Variants in LIMA1 observed in about 807,000 individuals in gnomAD.
The protein encoded by LIMA1 is LIM domain and actin-binding protein 1.
A neutral mutation model predicts 62.6 loss-of-function variants in LIMA1; 52 were observed. That is an observed-to-expected ratio of 0.83 (90% CI 0.67 to 1.05). The LOEUF is 1.05. LIMA1 is among the 50% of genes least tolerant of loss of function. LIMA1 has a pLI of 0.00. For synonymous variants in LIMA1, 302 were observed against 317.8 expected (o/e 0.95, Z 0.53); for missense variants, 780 against 902.2 (o/e 0.86, Z 1.74).
intron 8 of LIMA1, among the ~76,000 whole-genome samples, chr12:50,193,996 T>C (rs1369145748): frequency 8.3e-6 from 1 of 119,796 alleles, no homozygotes; most frequent in Non-Finnish European, 1.7e-5. Context: ...TATATATATA[T>C]ATTTTTTTTG....
At chr12:50,222,514 A>T in intron 3 of LIMA1, 29 bp from the exon 4 acceptor site, 1 of 1,613,756 alleles carries the variant, frequency 6.2e-7, no homozygotes, top group Non-Finnish European at 8.5e-7. Flanking sequence ...GATGCCAGTT[A>T]TAACTTGCCT....
At chr12:50,238,554 C>T (rs1259568312) in intron 2 of LIMA1, among the ~76,000 whole-genome samples, 6 of 151,392 alleles carry the variant, frequency 4.0e-5, no homozygotes, top group South Asian at 2.1e-4. Context: ...AAAACTTTTG[C>T]GCATCAAAGA....
chr12:50,204,610 T>C lies in LIMA1; in HGVS notation c.806A>G (p.Asp269Gly). 2 of 1,614,244 alleles carry C rather than the reference T, an allele frequency of 1.2e-6. No individual in the cohort carries two copies. The highest frequency in any genetic ancestry group is 1.7e-6 in the Non-Finnish European group (2 of 1,180,036). The change falls in exon 6 of 11, where the codon GAT becomes GGT. Residue 269 changes from aspartate to glycine, a missense_variant. By Grantham distance (94) the Asp-to-Gly change is moderately conservative. Transcript: ENST00000341247. ...AGCTGCCTGGTACTTGGCCATTCGA[T>C]CCTTTATAGAGGTTTCTGAGAGGCG... The part of the protein sequence containing the change: ...LPRLSETSIK[D>G]RMAKYQAAVS...
At position 50,222,249 on chromosome 12, in the gene LIMA1, A is replaced by G. The variant is rs1384644094; in HGVS notation, c.402T>C (p.Pro134=). ...GATATCGACCCTGAACGAGGGCTTC[A>G]GGAGGTGACCTGAGTCTAGATCTGG... ...IHPRSRLRSP[P]EALVQGRYPH... Residue 134 remains proline (P), a synonymous_variant, in exon 4 of 11, where the codon CCT becomes CCC. Coordinates refer to ENST00000341247, the MANE Select transcript of LIMA1 (RefSeq NM_016357.5). The G allele has an allele frequency of 1.2e-6, 2 of 1,614,140 alleles. No individual in the cohort carries two copies. The highest frequency in any genetic ancestry group is 2.2e-5 in the East Asian group (1 of 44,888).
intron 2 of LIMA1, among the ~76,000 whole-genome samples, chr12:50,239,552 A>G (rs992147622): frequency 8.5e-5 from 13 of 152,172 alleles, no homozygotes; most frequent in Non-Finnish European, 1.5e-5. Context: ...AGGTGGGAGG[A>G]TCGCTTGAAC....
At chr12:50,263,747 AAC>A (rs1942099127) in intron 1 of LIMA1, among the ~76,000 whole-genome samples, 1 of 149,592 alleles carries the variant, frequency 6.7e-6, no homozygotes, top group African/African-American at 2.5e-5. Context: ...CAAAAGATTA[AAC>A]ACAGAGTTAC....
intron 1 of LIMA1, among the ~76,000 whole-genome samples, chr12:50,261,958 C>T (rs1052244648): frequency 4.3e-4 from 65 of 152,108 alleles, no homozygotes; most frequent in Non-Finnish European, 1.0e-4. Context: ...TTTTTGGATT[C>T]AGCTATTTTT....
chr12:50,187,972 TC>T (rs1940668378), intron 9 of LIMA1: 1 of 152,226 alleles, frequency 6.6e-6, no homozygotes, highest in Admixed American at 6.5e-5. Flanking sequence ...CTGATACTTC[TC>T]ACAGGGTCCA....
intron 3 of LIMA1, among the ~76,000 whole-genome samples, chr12:50,226,710 G>C (rs910589056): frequency 2.0e-5 from 3 of 151,834 alleles, no homozygotes; most frequent in Non-Finnish European, 4.4e-5. Context: ...GTGGTGGCGT[G>C]CGCCTGTAAT....
At chr12:50,189,553 G>C (rs568537979) in intron 9 of LIMA1, 1 of 152,184 alleles carries the variant, frequency 6.6e-6, no homozygotes, top group African/African-American at 2.4e-5. Flanking sequence ...TAATCCAAAC[G>C]AGTGAAGTAG....
At chr12:50,245,427 AAGAG>A (rs1179144501) in intron 2 of LIMA1, among the ~76,000 whole-genome samples, 1 of 151,178 alleles carries the variant, frequency 6.6e-6, no homozygotes, top group Non-Finnish European at 1.5e-5. Flanking sequence ...AAAAAAAAAA[AAGAG>A]AGAGAGAGAA....
rs373467242 is a variant in LIMA1, at chr12:50,239,996, AATAACATAACATAAC to A, written c.120-8301_120-8287del. Among the ~76,000 whole-genome samples, 138 of 128,688 alleles carry A rather than the reference AATAACATAACATAAC, an allele frequency of 1.1e-3. 1 individual carries two copies. Among genetic ancestry groups the A allele is most frequent in the Admixed American group, 2.9e-3 (33 of 11,574 alleles). The allele number at this position is 128,688 out of a possible 152,430, so 84.4% of individuals were successfully genotyped here. A position where few individuals can be genotyped will look rare whatever the true frequency, so the allele number is the denominator to read the frequency against. On this transcript the variant is annotated intron_variant, in intron 2 of 10. Transcript: ENST00000341247. ...GCAACAGAGTGAGACTCTATCTCAA[AATAACATAACATAAC>A]ATAACATAACATAACATAACATAAC...
intron 1 of LIMA1, among the ~76,000 whole-genome samples, chr12:50,269,540 A>C (rs1349690278): frequency 6.6e-6 from 1 of 152,326 alleles, no homozygotes; most frequent in Non-Finnish European, 1.5e-5. Flanking sequence ...GATGGTTACT[A>C]CCAGGAACAC....
At chr12:50,270,896 T>A (rs1592569938) in intron 1 of LIMA1, among the ~76,000 whole-genome samples, 1 of 151,718 alleles carries the variant, frequency 6.6e-6, no homozygotes, top group Non-Finnish European at 1.5e-5. Flanking sequence ...ATCAAGACCA[T>A]CCTGGCTAAC....
chr12:50,278,169 C>T (rs532842326), intron 1 of LIMA1, among the ~76,000 whole-genome samples: 1 of 152,156 alleles, frequency 6.6e-6, no homozygotes, highest in African/African-American at 2.4e-5. Context: ...GCCTGTAATC[C>T]CAGCACTTTG....
intron 1 of LIMA1, among the ~76,000 whole-genome samples, chr12:50,273,554 A>G (rs1289890004): frequency 6.6e-6 from 1 of 152,216 alleles, no homozygotes; most frequent in Non-Finnish European, 1.5e-5. Flanking sequence ...TCAAGCCAGC[A>G]TTAAGAAAAA....
At chr12:50,200,667 C>T in intron 7 of LIMA1, 110 bp downstream of exon 7, 2 of 1,249,092 alleles carry the variant, frequency 1.6e-6, no homozygotes, top group Non-Finnish European at 2.3e-6. Flanking sequence ...GCAGCTGTTA[C>T]CAAATTCCCA....
At chr12:50,244,481 C>T (rs998765780) in intron 2 of LIMA1, among the ~76,000 whole-genome samples, 4 of 152,090 alleles carry the variant, frequency 2.6e-5, no homozygotes, top group African/African-American at 7.2e-5. Context: ...TCAAATGATC[C>T]ACCTGCCATG....
At chr12:50,249,598 C>T (rs1035850242) in intron 1 of LIMA1, 1 of 152,040 alleles carries the variant, frequency 6.6e-6, no homozygotes, top group African/African-American at 2.4e-5. Flanking sequence ...AAAGCCATAC[C>T]CTTGATATCA....
Sources: gnomAD v4.1 joint callset for allele counts (sites outside exome capture counted in the v4.1 genomes callset) on GRCh38, gnomAD v4.1.1 for gene constraint, MANE v1.5 for transcripts, NCBI Gene and HGNC (gene_info 2026-07-23, HGNC 2026-07-21) for gene names.